The following PPP4R2 variants were observed in gnomAD, a reference collection of about 807,000 sequenced individuals.
The protein encoded by PPP4R2 is serine/threonine-protein phosphatase 4 regulatory subunit 2.
PPP4R2 carries 13 observed loss-of-function variants against 47.2 expected under a neutral mutation model. The observed-to-expected ratio is 0.28, with a 90% CI of 0.18 to 0.44. PPP4R2 has a LOEUF of 0.44. Ranked by LOEUF, PPP4R2 falls within the 20% of genes least tolerant of loss-of-function variation. The probability of loss-of-function intolerance (pLI) is 1.00; values close to 1 mark genes in which losing one functional copy is unlikely to be tolerated. For missense variants in PPP4R2, 421 were observed against 491.2 expected, an observed-to-expected ratio of 0.86 and a Z score of 1.35; for synonymous variants, 151 against 163.3, an observed-to-expected ratio of 0.92 and a Z score of 0.57.
At chr3:73,063,247 G>A (rs1042662095) in intron 5 of PPP4R2, 1 of 289,462 alleles carries the variant, frequency 3.5e-6, no homozygotes, top group African/African-American at 2.4e-5. Flanking sequence ...TACCCCGTAA[G>A]ATCTTGAGGG....
chr3:73,006,469 C>T (rs772645390), intron 2 of PPP4R2, among the ~76,000 whole-genome samples: 1 of 152,102 alleles, frequency 6.6e-6, no homozygotes, highest in Admixed American at 6.6e-5. Context: ...GGATTACAGG[C>T]GTGAGCCACC....
intron 2 of PPP4R2, among the ~76,000 whole-genome samples, chr3:73,036,800 G>T (rs1244008899): frequency 6.6e-6 from 1 of 152,130 alleles, no homozygotes; most frequent in Non-Finnish European, 1.5e-5. Context: ...CTTTAAAGTA[G>T]CAGTGAAAGT....
intron 3 of PPP4R2, among the ~76,000 whole-genome samples, chr3:73,055,750 C>T (rs916242414): frequency 3.3e-5 from 5 of 150,840 alleles, no homozygotes; most frequent in East Asian, 1.9e-4. Context: ...CAACTTGCAA[C>T]CTCCACCGCC....
intron 5 of PPP4R2, chr3:73,062,935 C>T (rs1267554784): frequency 3.2e-6 from 5 of 1,568,710 alleles, no homozygotes; most frequent in Non-Finnish European, 4.4e-6. Flanking sequence ...CCTATTAATG[C>T]TGTGAGAATG....
chr3:73,013,472 A>C (rs544500745), intron 2 of PPP4R2, among the ~76,000 whole-genome samples: 1 of 136,150 alleles, frequency 7.3e-6, no homozygotes, highest in African/African-American at 2.9e-5. Context: ...TTTCTGTCTC[A>C]TTTTACAAAA....
At chr3:73,047,409 A>G (rs1395730242) in intron 3 of PPP4R2, 53 bp downstream of exon 3, 3 of 1,257,326 alleles carry the variant, frequency 2.4e-6, no homozygotes, top group African/African-American at 1.6e-5. Flanking sequence ...AGATGAATAG[A>G]TTTTTCTTTT....
chr3:73,017,300 C>A (rs1701861072), intron 2 of PPP4R2, among the ~76,000 whole-genome samples: 1 of 152,138 alleles, frequency 6.6e-6, no homozygotes, highest in African/African-American at 2.4e-5. Flanking sequence ...GCTTCATTAA[C>A]CACAGGTAAC....
chr3:73,001,432 C>T (rs1466463041), intron 2 of PPP4R2, among the ~76,000 whole-genome samples: 2 of 151,340 alleles, frequency 1.3e-5, no homozygotes, highest in Non-Finnish European at 2.9e-5. Context: ...AACGTGGTGG[C>T]ATGCGCCTGT....
intron 2 of PPP4R2, among the ~76,000 whole-genome samples, chr3:73,005,834 A>G (rs1701598876): frequency 2.1e-5 from 1 of 48,128 alleles, no homozygotes; most frequent in Admixed American, 1.6e-4. Flanking sequence ...CTCTGTCTGC[A>G]AAAAAAAAAA....
intron 2 of PPP4R2, among the ~76,000 whole-genome samples, chr3:73,032,289 C>CTT (rs199550474): frequency 0.13 from 19,206 of 144,922 alleles, 1,521 homozygotes; most frequent in East Asian, 0.36. Flanking sequence ...AAAATTATTT[C>CTT]TTTTTTTTTT....
At chr3:73,002,744 C>G (rs975229239) in intron 2 of PPP4R2, among the ~76,000 whole-genome samples, 5 of 147,242 alleles carry the variant, frequency 3.4e-5, no homozygotes, top group Non-Finnish European at 5.9e-5. Context: ...TGGGTTCAAG[C>G]GATTTTCCTG....
At chr3:73,019,069 A>G (rs530892867) in intron 2 of PPP4R2, among the ~76,000 whole-genome samples, 1 of 152,314 alleles carries the variant, frequency 6.6e-6, no homozygotes, top group Non-Finnish European at 1.5e-5. Flanking sequence ...GACCACATAT[A>G]TGATGGTGGT....
chr3:73,049,500 A>G (rs1426733065), intron 3 of PPP4R2, among the ~76,000 whole-genome samples: 1 of 151,686 alleles, frequency 6.6e-6, no homozygotes, highest in Admixed American at 6.6e-5. Context: ...CTCCATCTCA[A>G]AAAAAAAGAG....
intron 2 of PPP4R2, among the ~76,000 whole-genome samples, chr3:73,040,012 A>G (rs1702343824): frequency 6.6e-6 from 1 of 152,164 alleles, no homozygotes; most frequent in East Asian, 1.9e-4. Flanking sequence ...CGAGATCGCC[A>G]TTGCACTCCA....
chr3:73,022,884 TG>T (rs34691307), intron 2 of PPP4R2, among the ~76,000 whole-genome samples: 59,439 of 151,736 alleles, frequency 0.39, 12,140 homozygotes, highest in African/African-American at 0.46. Context: ...ACAAGCAACT[TG>T]GAAGAGACAT....
At chr3:73,015,095 T>C in intron 2 of PPP4R2, 1 of 446,902 alleles carries the variant, frequency 2.2e-6, no homozygotes, top group Non-Finnish European at 4.0e-6. Context: ...AAATAAATAC[T>C]GAGAGCACTC....
Position 73,008,796 on chromosome 3 carries a change from C to T in PPP4R2, c.116+10638C>T, listed in dbSNP as rs117377986. Reference sequence around the variant, plus strand: ...AATAGAATGAATATGGCTAAAGAAACGAGTCTAAAGTACTTAATCTTGTGG... The same window carrying T: ...AATAGAATGAATATGGCTAAAGAAATGAGTCTAAAGTACTTAATCTTGTGG... On this transcript the variant is annotated intron_variant, in intron 2 of 8. Transcript: ENST00000356692. Among the ~76,000 whole-genome samples the T allele has an allele frequency of 4.6e-3, 703 of 152,186 alleles. 9 individuals are homozygous for T. The East Asian group carries it at 0.05, about 11-fold the overall frequency.
intron 2 of PPP4R2, among the ~76,000 whole-genome samples, chr3:73,042,022 G>A (rs545438104): frequency 6.6e-6 from 1 of 152,242 alleles, no homozygotes; most frequent in South Asian, 2.1e-4. Flanking sequence ...GAAAATGGAA[G>A]GGGAGAAGAA....
In PPP4R2 at chr3:73,063,656, ATTTTC is replaced by A; in HGVS notation, c.420-9_420-5del. On this transcript the variant is annotated splice_polypyrimidine_tract_variant and intron_variant, in intron 5 of 8. Transcript: ENST00000356692. ...AAAAAATTAAGTCATCCACAAGTGT[ATTTTC>A]TTTTCTTATAGGAAAAACAATTCCA... 1 of 1,479,698 alleles carries A rather than the reference ATTTTC, an allele frequency of 6.8e-7. No individual in the cohort carries two copies. The highest frequency in any genetic ancestry group is 9.4e-7 in the Non-Finnish European group (1 of 1,060,002). 91.7% of individuals were successfully genotyped at this position (1,479,698 alleles called of 1,614,324 possible). A position where few individuals can be genotyped will look rare whatever the true frequency, so the allele number is the denominator to read the frequency against.
Sources: gnomAD v4.1 joint callset for allele counts (sites outside exome capture counted in the v4.1 genomes callset) on GRCh38, gnomAD v4.1.1 for gene constraint, MANE v1.5 for transcripts, NCBI Gene and HGNC (gene_info 2026-07-23, HGNC 2026-07-21) for gene names.